Variants in BMP5 observed in about 807,000 individuals in gnomAD.
BMP5 encodes bone morphogenetic protein 5.
BMP5 carries 23 observed loss-of-function variants against 46.6 expected under a neutral mutation model. That is an observed-to-expected ratio of 0.49 (90% CI 0.35 to 0.70). The LOEUF (loss-of-function observed/expected upper bound fraction) is 0.70. Among genes scored for constraint, BMP5 ranks in the 30% least tolerant of loss-of-function variants. The pLI, the probability that BMP5 is intolerant of heterozygous loss-of-function variation, is 0.00. For synonymous variants in BMP5, 204 were observed against 191.9 expected, an observed-to-expected ratio of 1.06 and a Z score of -0.52; for missense variants, 545 against 565.6, an observed-to-expected ratio of 0.96 and a Z score of 0.37.
intron 1 of BMP5, among the ~76,000 whole-genome samples, chr6:55,824,298 G>A (rs1420603853): frequency 6.6e-6 from 1 of 151,788 alleles, no homozygotes; most frequent in African/African-American, 2.4e-5. Context: ...AAACAGAGAA[G>A]TGTATACTAT....
intron 1 of BMP5, among the ~76,000 whole-genome samples, chr6:55,854,079 C>A (rs914813625): frequency 2.6e-5 from 4 of 152,056 alleles, no homozygotes; most frequent in Non-Finnish European, 5.9e-5. Context: ...TGACAGACTG[C>A]ATTATAATTT....
intron 4 of BMP5, among the ~76,000 whole-genome samples, chr6:55,772,279 T>C (rs1200517669): frequency 6.6e-6 from 1 of 151,880 alleles, no homozygotes; most frequent in Non-Finnish European, 1.5e-5. Context: ...ATTTGTTTCT[T>C]GTGGTTAGGA....
chr6:55,863,916 A>G (rs1362394744), intron 1 of BMP5, among the ~76,000 whole-genome samples: 2 of 152,172 alleles, frequency 1.3e-5, no homozygotes, highest in East Asian at 1.9e-4. Context: ...AGGATATGCC[A>G]TCTAGGTTTG....
At chr6:55,833,130 T>C (rs1365927610) in intron 1 of BMP5, among the ~76,000 whole-genome samples, 1 of 151,964 alleles carries the variant, frequency 6.6e-6, no homozygotes, top group Admixed American at 6.6e-5. Flanking sequence ...AAATAAAAAA[T>C]AAATAAATCA....
chr6:55,841,526 A>G (rs1173681067), intron 1 of BMP5, among the ~76,000 whole-genome samples: 1 of 152,162 alleles, frequency 6.6e-6, no homozygotes, highest in Non-Finnish European at 1.5e-5. Context: ...GGTTAGCTTA[A>G]ACCACAAAAA....
intron 1 of BMP5, among the ~76,000 whole-genome samples, chr6:55,837,454 G>A (rs559955479): frequency 1.3e-4 from 19 of 151,994 alleles, no homozygotes; most frequent in Non-Finnish European, 1.9e-4. Flanking sequence ...TGGCTAAATC[G>A]GCCAAGTCTT....
chr6:55,760,416 A>C (rs759548582), intron 5 of BMP5, 41 bp downstream of exon 5: 2 of 1,548,932 alleles, frequency 1.3e-6, no homozygotes, highest in South Asian at 2.2e-5. Context: ...GATTTATGAT[A>C]ATTCAGAAAA....
intron 1 of BMP5, among the ~76,000 whole-genome samples, chr6:55,822,739 T>C (rs115985158): frequency 0.012 from 1,858 of 152,240 alleles, 40 homozygotes; most frequent in African/African-American, 0.042. Flanking sequence ...TGTGAGATGT[T>C]AGTGTAATAA....
chr6:55,850,795 G>C (rs1216864195), intron 1 of BMP5, among the ~76,000 whole-genome samples: 1 of 152,164 alleles, frequency 6.6e-6, no homozygotes, highest in African/African-American at 2.4e-5. Flanking sequence ...TAAGAAAGTA[G>C]GTTCCAGTCC....
chr6:55,873,887 T>TA (rs1488108142), intron 1 of BMP5, among the ~76,000 whole-genome samples: 1 of 152,180 alleles, frequency 6.6e-6, no homozygotes, highest in Non-Finnish European at 1.5e-5. Flanking sequence ...CTATTCAATC[T>TA]TGGTTAATTT....
chr6:55,819,742 C>T lies in BMP5; in HGVS notation c.596G>A (p.Arg199Gln), dbSNP rs1160709998. ...GTTGTTGCTCCGGTCCTTGTATATC[C>T]GGAATTCAGCTGCTGTCACTGCCTC... is the stretch of plus-strand genomic sequence containing the variant. ...HGEAVTAAEF[R>Q]IYKDRSNNRF... The change falls in exon 2 of 7, where the codon CGG (arginine) becomes CAG (glutamine). Residue 199 changes from arginine to glutamine, a missense_variant. Physicochemically the swap from Arg to Gln is conservative, Grantham distance 43 (BLOSUM62 1). Coordinates refer to ENST00000370830, the MANE Select transcript of BMP5 (RefSeq NM_021073.4). The T allele has an allele frequency of 2.5e-6, 4 of 1,613,522 alleles. No homozygotes were observed. The highest frequency in any genetic ancestry group is 1.1e-5 in the South Asian group (1 of 91,070).
chr6:55,754,068 A>G lies in BMP5; in HGVS notation c.*1465T>C, dbSNP rs1469610636. On this transcript the variant is annotated 3_prime_UTR_variant, in exon 7 of 7. Transcript: ENST00000370830. ...ATATACCCGAATTACAAACAAAGCCATAACATTTTTGAAGACATTTTTGGT... is the reference window on the plus strand; with the variant it reads ...ATATACCCGAATTACAAACAAAGCCGTAACATTTTTGAAGACATTTTTGGT... The G allele has an allele frequency of 6.6e-6, 1 of 151,976 alleles. No homozygotes were observed. Among genetic ancestry groups the G allele is most frequent in the Non-Finnish European group, 1.5e-5 (1 of 67,936 alleles). 9.4% of individuals were successfully genotyped at this position (151,976 alleles called of 1,614,324 possible). A position where few individuals can be genotyped will look rare whatever the true frequency, so the allele number is the denominator to read the frequency against.
At chr6:55,828,650 A>T (rs753057532) in intron 1 of BMP5, among the ~76,000 whole-genome samples, 1 of 151,816 alleles carries the variant, frequency 6.6e-6, no homozygotes, top group Non-Finnish European at 1.5e-5. Flanking sequence ...TATTTTAGGA[A>T]CATTTTATTT....
intron 6 of BMP5, among the ~76,000 whole-genome samples, chr6:55,757,051 G>A (rs183161332): frequency 1.3e-5 from 2 of 151,972 alleles, no homozygotes; most frequent in East Asian, 1.9e-4. Context: ...CTACATCCCA[G>A]GGTAGAGATA....
intron 4 of BMP5, among the ~76,000 whole-genome samples, chr6:55,772,222 G>A (rs183271643): frequency 4.6e-5 from 7 of 151,976 alleles, no homozygotes; most frequent in Non-Finnish European, 2.9e-5. Flanking sequence ...GAAAAGTTAC[G>A]TGATTTCTGC....
intron 2 of BMP5, among the ~76,000 whole-genome samples, chr6:55,809,304 C>T (rs1356110658): frequency 6.6e-6 from 1 of 152,104 alleles, no homozygotes; most frequent in African/African-American, 2.4e-5. Flanking sequence ...TTCTTGCATC[C>T]AACTCATTAT....
At chr6:55,795,561 T>C (rs529083562) in intron 2 of BMP5, among the ~76,000 whole-genome samples, 38 of 152,250 alleles carry the variant, frequency 2.5e-4, no homozygotes, top group African/African-American at 8.7e-4. Context: ...TGAAAACACA[T>C]TTTTAATAAA....
At chr6:55,830,721 A>T (rs1228967609) in intron 1 of BMP5, among the ~76,000 whole-genome samples, 2 of 152,106 alleles carry the variant, frequency 1.3e-5, no homozygotes, top group African/African-American at 4.8e-5. Context: ...ATATACTGTT[A>T]CATAAAACCT....
At chr6:55,786,586 T>C (rs1160979375) in intron 3 of BMP5, among the ~76,000 whole-genome samples, 1 of 151,804 alleles carries the variant, frequency 6.6e-6, no homozygotes, top group East Asian at 1.9e-4. Context: ...TTTCTTCAGG[T>C]ACTGGAAGAT....
Sources: allele counts gnomAD v4.1 joint callset (sites outside exome capture counted in the v4.1 genomes callset), GRCh38; gene constraint gnomAD v4.1.1; transcripts MANE v1.5; gene names NCBI Gene and HGNC (gene_info 2026-07-23, HGNC 2026-07-21).